Variants in LMO7 observed in about 807,000 individuals in gnomAD.
The protein encoded by LMO7 is LIM domain only protein 7.
Under a neutral mutation model 206.5 loss-of-function variants are expected in LMO7, and 120 were observed. That is an observed-to-expected ratio of 0.58 (90% CI 0.50 to 0.68). The LOEUF is 0.68. Among genes scored for constraint, LMO7 ranks in the 30% least tolerant of loss-of-function variants. The pLI, the probability that LMO7 is intolerant of heterozygous loss-of-function variation, is 0.00. For synonymous variants in LMO7, 706 were observed against 681.5 expected, an observed-to-expected ratio of 1.04 and a Z score of -0.56; for missense variants, 1,959 against 1,957.9, an observed-to-expected ratio of 1.00 and a Z score of -0.01.
At chr13:75,781,997 G>T (rs1049830672) in intron 4 of LMO7, among the ~76,000 whole-genome samples, 23 of 151,946 alleles carry the variant, frequency 1.5e-4, no homozygotes, top group Admixed American at 5.2e-4. Flanking sequence ...TTGTAAATTT[G>T]TTTGAGTTCA....
intron 1 of LMO7, among the ~76,000 whole-genome samples, chr13:75,656,498 T>G (rs2038073232): frequency 6.6e-6 from 1 of 152,238 alleles, no homozygotes; most frequent in South Asian, 2.1e-4. Flanking sequence ...TTAAAATTGT[T>G]TCTACATTTA....
intron 2 of LMO7, chr13:75,627,328 T>C (rs7985480): frequency 0.74 from 112,461 of 152,088 alleles, 41,847 homozygotes; most frequent in East Asian, 0.91. Context: ...GGCTAATGTA[T>C]GTGTTGTGAG....
intron 22 of LMO7, 31 bp from the exon 23 acceptor site, chr13:75,841,078 T>A: frequency 7.4e-7 from 1 of 1,344,580 alleles, no homozygotes; most frequent in Non-Finnish European, 1.1e-6. Flanking sequence ...AGTTAATCTA[T>A]TGGATTAATA....
chr13:75,654,302 C>T (rs537569143), intron 1 of LMO7, among the ~76,000 whole-genome samples: 1 of 152,276 alleles, frequency 6.6e-6, no homozygotes, highest in Non-Finnish European at 1.5e-5. Context: ...AAAAACAAAT[C>T]TGGGGCTAAG....
chr13:75,663,841 A>AT (rs915508829), intron 1 of LMO7, among the ~76,000 whole-genome samples: 2 of 151,992 alleles, frequency 1.3e-5, no homozygotes, highest in African/African-American at 2.4e-5. Context: ...CTTTTTTTTA[A>AT]TTTTTAATTT....
intron 4 of LMO7, among the ~76,000 whole-genome samples, chr13:75,779,445 T>G (rs1425132132): frequency 6.6e-6 from 1 of 152,194 alleles, no homozygotes; most frequent in African/African-American, 2.4e-5. Flanking sequence ...TAAACTAATC[T>G]GAAAGACATC....
Position 75,858,326 on chromosome 13 carries a change from ATAGT to A in LMO7, c.*386_*389del, listed in dbSNP as rs940591234. The A allele has an allele frequency of 5.8e-6, 1 of 173,524 alleles. No homozygotes were observed. The highest frequency in any genetic ancestry group is 2.4e-5 in the African/African-American group (1 of 42,288). 10.7% of individuals were successfully genotyped at this position (173,524 alleles called of 1,614,324 possible). ...AAAAGGTTCTTAAACATTATTTGAA[ATAGT>A]TAATATAAATACATAATTGCATTTG... is the stretch of plus-strand genomic sequence containing the variant. On this transcript the variant is annotated 3_prime_UTR_variant, in exon 31 of 31. Coordinates refer to ENST00000377534, the MANE Select transcript of LMO7 (RefSeq NM_001306080.2).
At chr13:75,723,466 T>A (rs2044201010) in intron 2 of LMO7, among the ~76,000 whole-genome samples, 1 of 152,152 alleles carries the variant, frequency 6.6e-6, no homozygotes, top group Non-Finnish European at 1.5e-5. Context: ...TCAAAAGGTG[T>A]CCATAAATTT....
At chr13:75,763,995 C>A (rs1012741802) in intron 4 of LMO7, among the ~76,000 whole-genome samples, 8 of 152,132 alleles carry the variant, frequency 5.3e-5, no homozygotes, top group Non-Finnish European at 1.2e-4. Flanking sequence ...CTTTATATTT[C>A]TGTAAATTAT....
chr13:75,839,272 T>C (rs769923674), intron 20 of LMO7, among the ~76,000 whole-genome samples: 1 of 152,204 alleles, frequency 6.6e-6, no homozygotes, highest in Non-Finnish European at 1.5e-5. Context: ...TCCTTCTCTG[T>C]TCTAATTTTC....
chr13:75,663,647 G>C (rs1048927383), intron 1 of LMO7, among the ~76,000 whole-genome samples: 3 of 151,880 alleles, frequency 2.0e-5, no homozygotes, highest in Admixed American at 6.6e-5. Context: ...AGCCAGGATG[G>C]TCTCGATCTC....
chr13:75,794,974 T>A (rs1424031452), intron 4 of LMO7, among the ~76,000 whole-genome samples: 1 of 152,204 alleles, frequency 6.6e-6, no homozygotes, highest in Admixed American at 6.5e-5. Flanking sequence ...ACCCCTCGCT[T>A]TTATTTTTCA....
intron 4 of LMO7, among the ~76,000 whole-genome samples, chr13:75,766,073 T>C (rs1358216426): frequency 1.3e-5 from 2 of 152,132 alleles, no homozygotes; most frequent in Non-Finnish European, 2.9e-5. Context: ...TCTCCTCTGA[T>C]CAGTTAGCAT....
intron 2 of LMO7, among the ~76,000 whole-genome samples, chr13:75,720,412 T>G (rs2043922315): frequency 1.3e-5 from 2 of 152,238 alleles, no homozygotes; most frequent in Non-Finnish European, 2.9e-5. Context: ...TTGTCAAACC[T>G]AAAGTCTCTA....
At chr13:75,655,514 G>A (rs2037973938) in intron 1 of LMO7, among the ~76,000 whole-genome samples, 1 of 151,820 alleles carries the variant, frequency 6.6e-6, no homozygotes, top group African/African-American at 2.4e-5. Flanking sequence ...TCTTTGCAGA[G>A]TCTTTCCATG....
chr13:75,814,075 A>G (rs563665283), intron 11 of LMO7, among the ~76,000 whole-genome samples: 1 of 152,306 alleles, frequency 6.6e-6, no homozygotes, highest in African/African-American at 2.4e-5. Flanking sequence ...ACCTAGTTAG[A>G]TATATTACAT....
intron 1 of LMO7, chr13:75,622,007 GA>G: frequency 2.0e-6 from 1 of 493,010 alleles, no homozygotes; most frequent in Non-Finnish European, 3.4e-6. Flanking sequence ...TACTGCAACT[GA>G]GATAAAATTA....
intron 9 of LMO7, chr13:75,806,352 T>A: frequency 1.6e-6 from 1 of 608,976 alleles, no homozygotes; most frequent in Non-Finnish European, 2.1e-6. Flanking sequence ...TGGGACCTGA[T>A]TGCACTGAAT....
intron 2 of LMO7, among the ~76,000 whole-genome samples, chr13:75,630,435 G>C (rs1225290702): frequency 6.6e-6 from 1 of 152,192 alleles, no homozygotes; most frequent in Non-Finnish European, 1.5e-5. Flanking sequence ...CACTTTGGTA[G>C]GCTGAGGCGG....
Sources: gnomAD v4.1 joint callset for allele counts (sites outside exome capture counted in the v4.1 genomes callset) on GRCh38, gnomAD v4.1.1 for gene constraint, MANE v1.5 for transcripts, NCBI Gene and HGNC (gene_info 2026-07-23, HGNC 2026-07-21) for gene names.